FRAS1: variants seen among roughly 807,000 people sequenced by gnomAD.
FRAS1 encodes Fraser extracellular matrix complex subunit 1, also known as extracellular matrix organizing protein FRAS1.
FRAS1 carries 290 observed loss-of-function variants against 435.2 expected under a neutral mutation model. The ratio of observed to expected loss-of-function variants is 0.67; its 90% CI spans 0.61 to 0.73. The LOEUF (loss-of-function observed/expected upper bound fraction) is 0.73, where lower values mean the gene tolerates loss of function less well. Among genes scored for constraint, FRAS1 ranks in the 30% least tolerant of loss-of-function variants. The probability of loss-of-function intolerance (pLI) is 0.00; values close to 1 mark genes in which losing one functional copy is unlikely to be tolerated. For missense variants in FRAS1, 4,860 were observed against 5,001.5 expected, an observed-to-expected ratio of 0.97 and a Z score of 0.85; for synonymous variants, 1,800 against 1,851.0, an observed-to-expected ratio of 0.97 and a Z score of 0.71.
intron 70 of FRAS1, among the ~76,000 whole-genome samples, chr4:78,531,779 A>G (rs1259183264): frequency 6.6e-6 from 1 of 152,184 alleles, no homozygotes; most frequent in African/African-American, 2.4e-5. Context: ...CATATGGCCC[A>G]CAAAGTTTAA....
intron 2 of FRAS1, among the ~76,000 whole-genome samples, chr4:78,102,975 C>G (rs1435669578): frequency 6.6e-6 from 1 of 152,174 alleles, no homozygotes; most frequent in African/African-American, 2.4e-5. Flanking sequence ...GTATCCACCT[C>G]TGCTCATTCT....
At chr4:78,118,319 C>T (rs1443348781) in intron 2 of FRAS1, among the ~76,000 whole-genome samples, 1 of 152,144 alleles carries the variant, frequency 6.6e-6, no homozygotes, top group Non-Finnish European at 1.5e-5. Flanking sequence ...CACAGATGTC[C>T]AGCTGCGTGC....
intron 20 of FRAS1, among the ~76,000 whole-genome samples, chr4:78,354,434 G>C (rs1730770994): frequency 1.3e-5 from 2 of 152,092 alleles, no homozygotes; most frequent in Admixed American, 1.3e-4. Flanking sequence ...CTTACGGGTG[G>C]GCTGAGCACA....
intron 1 of FRAS1, among the ~76,000 whole-genome samples, chr4:78,061,948 T>G (rs191054956): frequency 2.0e-5 from 3 of 152,352 alleles, no homozygotes; most frequent in Admixed American, 2.0e-4. Context: ...TTGCATCCTT[T>G]GGCTTTTGTA....
chr4:78,503,826 T>G (rs60991776), intron 61 of FRAS1, among the ~76,000 whole-genome samples: 21,957 of 152,214 alleles, frequency 0.14, 1,902 homozygotes, highest in Non-Finnish European at 0.21. Flanking sequence ...ATTTTAGATC[T>G]CTCCTGCTTT....
chr4:78,465,389 A>G lies in FRAS1; in HGVS notation c.7029+806A>G, dbSNP rs140684731. On this transcript the variant is annotated intron_variant, in intron 49 of 73. Coordinates refer to ENST00000512123, the MANE Select transcript of FRAS1 (RefSeq NM_025074.7). ...ACAATAAGTGCTATGCAGAAAAATA[A>G]AGGGAGATGAGGGAGATAGAGATTG... Among the ~76,000 whole-genome samples, 47 of 152,366 alleles carry G rather than the reference A, an allele frequency of 3.1e-4. 1 individual carries two copies. The East Asian group carries it at 9.1e-3, about 29-fold the overall frequency.
chr4:78,388,964 A>C (rs1416916007), intron 29 of FRAS1, among the ~76,000 whole-genome samples: 1 of 152,216 alleles, frequency 6.6e-6, no homozygotes, highest in East Asian at 1.9e-4. Flanking sequence ...TTAATAAATA[A>C]TACTTATGAA....
At chr4:78,139,596 C>A (rs1720074770) in intron 2 of FRAS1, among the ~76,000 whole-genome samples, 1 of 152,130 alleles carries the variant, frequency 6.6e-6, no homozygotes, top group African/African-American at 2.4e-5. Context: ...ATAGCCAGTA[C>A]TCCACAGTGG....
intron 2 of FRAS1, among the ~76,000 whole-genome samples, chr4:78,151,149 T>C (rs189724334): frequency 1.5e-3 from 230 of 152,320 alleles, no homozygotes; most frequent in Non-Finnish European, 3.0e-3. Flanking sequence ...AGATATACCG[T>C]GCTCACAAAC....
At chr4:78,523,900 C>T (rs531210922) in intron 69 of FRAS1, among the ~76,000 whole-genome samples, 2 of 152,298 alleles carry the variant, frequency 1.3e-5, no homozygotes, top group African/African-American at 4.8e-5. Context: ...CTTTTATCCA[C>T]GTTAGTTACT....
chr4:78,067,860 A>ATTT lies in FRAS1; in HGVS notation c.108+1857_108+1859dup, dbSNP rs35606977. 1.9e-3 allele frequency among the ~76,000 whole-genome samples: 262 copies of ATTT among 134,408 alleles called. 1 individual carries two copies. Among genetic ancestry groups the ATTT allele is most frequent in the African/African-American group, 5.7e-3 (204 of 35,952 alleles). 88.2% of individuals were successfully genotyped at this position (134,408 alleles called of 152,430 possible). On this transcript the variant is annotated intron_variant, in intron 2 of 73. Coordinates refer to ENST00000512123, the MANE Select transcript of FRAS1 (RefSeq NM_025074.7). ...AGCTGCACACCACCACACCCAGCCA[A>ATTT]TTTTTTTTTTTTTTTGTATTTTTAG...
intron 15 of FRAS1, 76 bp from the exon 16 acceptor site, chr4:78,315,518 T>C (rs957987499): frequency 3.5e-6 from 5 of 1,435,588 alleles, no homozygotes; most frequent in African/African-American, 1.4e-5. Context: ...CCATTGTGGA[T>C]ATTGTAAAGA....
rs895456926 is a variant in FRAS1 at position 78,303,215 on chromosome 4, A to G, written c.1535-4851A>G. Among the ~76,000 whole-genome samples, 59 of 152,154 alleles carry G rather than the reference A, an allele frequency of 3.9e-4. 1 individual carries two copies. Among genetic ancestry groups the G allele is most frequent in the African/African-American group, 1.4e-3 (57 of 41,498 alleles). ...GGGCTCTGTTCTGTTCCATTGATCT[A>G]TATCTCTGTTTTGGTACCAGTACCA... is the stretch of plus-strand genomic sequence containing the variant. On this transcript the variant is annotated intron_variant, in intron 14 of 73. Transcript: ENST00000512123.
At chr4:78,492,804 A>G (rs571769419) in intron 59 of FRAS1, among the ~76,000 whole-genome samples, 1 of 152,364 alleles carries the variant, frequency 6.6e-6, no homozygotes, top group African/African-American at 2.4e-5. Flanking sequence ...AAAATTGACA[A>G]ATGGGATCTA....
intron 36 of FRAS1, among the ~76,000 whole-genome samples, chr4:78,429,602 A>C (rs1734132912): frequency 6.6e-6 from 1 of 152,338 alleles, no homozygotes; most frequent in South Asian, 2.1e-4. Flanking sequence ...GTCAGGTCAC[A>C]AGAAGCTTCA....
chr4:78,180,725 G>A (rs1721963182), intron 2 of FRAS1: 2 of 705,064 alleles, frequency 2.8e-6, no homozygotes, highest in Non-Finnish European at 4.7e-6. Context: ...TTTTGAAACA[G>A]ATAAAATTCA....
intron 4 of FRAS1, among the ~76,000 whole-genome samples, chr4:78,249,676 C>G (rs1197441317): frequency 2.0e-5 from 3 of 152,084 alleles, no homozygotes; most frequent in African/African-American, 4.8e-5. Flanking sequence ...AGGGAGAACC[C>G]ATTGCTTAAT....
At position 78,469,978 on chromosome 4, in the gene FRAS1, A is replaced by T. The variant is rs1256137754; in HGVS notation, c.7258A>T (p.Ile2420Phe). ...TTTTCTTTTCTGCCCTCCCCTTCAG[A>T]TTATGACAGCAGCACCTCAGCCGTT... is the stretch of plus-strand genomic sequence containing the variant. ...FFIIEEGGKEIMTAAPQPFRV... is the reference protein window; with the variant it reads ...FFIIEEGGKEFMTAAPQPFRV... The change falls in exon 51 of 74, where the codon ATT becomes TTT. Residue 2420 changes from isoleucine (I) to phenylalanine (F), a missense_variant and splice_region_variant. Ile to Phe is a conservative substitution (Grantham distance 21). Coordinates refer to ENST00000512123, the MANE Select transcript of FRAS1 (RefSeq NM_025074.7). The T allele has an allele frequency of 1.2e-6, 2 of 1,612,002 alleles. No individual in the cohort carries two copies. The highest frequency in any genetic ancestry group is 1.7e-6 in the Non-Finnish European group (2 of 1,178,472).
At chr4:78,518,443 TATATATA>T (rs1560423147) in intron 66 of FRAS1, among the ~76,000 whole-genome samples, 58 of 120,950 alleles carry the variant, frequency 4.8e-4, no homozygotes, top group South Asian at 3.7e-3. Context: ...TATATATATA[TATATATA>T]TATTTATTTA....
Sources: gnomAD v4.1 joint callset for allele counts (sites outside exome capture counted in the v4.1 genomes callset) on GRCh38, gnomAD v4.1.1 for gene constraint, MANE v1.5 for transcripts, NCBI Gene and HGNC (gene_info 2026-07-23, HGNC 2026-07-21) for gene names.